The following TNC variants were observed in gnomAD, a reference collection of about 807,000 sequenced individuals.
The protein encoded by TNC is tenascin.
A neutral mutation model predicts 202.4 loss-of-function variants in TNC; 109 were observed. The ratio of observed to expected loss-of-function variants is 0.54; its 90% CI spans 0.46 to 0.63. The LOEUF (loss-of-function observed/expected upper bound fraction) is 0.63, where lower values mean the gene tolerates loss of function less well. TNC is among the 30% of genes least tolerant of loss of function. The pLI, the probability that TNC is intolerant of heterozygous loss-of-function variation, is 0.00. For synonymous variants in TNC, 1,007 were observed against 1,089.7 expected (o/e 0.92, Z 1.50); for missense variants, 2,756 against 2,833.3 (o/e 0.97, Z 0.62).
chr9:115,077,221 ATT>A (rs376411649), intron 7 of TNC, among the ~76,000 whole-genome samples: 68 of 151,466 alleles, frequency 4.5e-4, no homozygotes, highest in African/African-American at 1.5e-3. Flanking sequence ...CGCCTGGCTA[ATT>A]TTTTTTGTAT....
At chr9:115,105,531 T>C (rs1382641458) in intron 1 of TNC, among the ~76,000 whole-genome samples, 1 of 152,174 alleles carries the variant, frequency 6.6e-6, no homozygotes, top group Non-Finnish European at 1.5e-5. Context: ...GATTCACTTG[T>C]TTTAATTATG....
rs760299613 is a variant in TNC at position 115,090,722 on chromosome 9, G to A, written c.297C>T (p.Val99=). The A allele has an allele frequency of 1.1e-5, 18 of 1,614,114 alleles. No homozygotes were observed. The highest frequency in any genetic ancestry group is 1.5e-5 in the Non-Finnish European group (18 of 1,180,036). ...GGGGGATGTTGATGCGATGTGTGAA[G>A]ACAATCTGGTTTTCCCCATCCACTG... ...EHTVDGENQI[V]FTHRINIPRR... Residue 99 remains valine, a synonymous_variant, in exon 2 of 28, where the codon GTC becomes GTT. Coordinates refer to ENST00000350763, the MANE Select transcript of TNC (RefSeq NM_002160.4).
At position 115,084,491 on chromosome 9, in the gene TNC, G is replaced by A; in HGVS notation, c.1868-19C>T. The A allele has an allele frequency of 1.9e-6, 3 of 1,611,472 alleles. No homozygotes were observed. The highest frequency in any genetic ancestry group is 2.5e-6 in the Non-Finnish European group (3 of 1,178,474). On this transcript the variant is annotated intron_variant, in intron 3 of 27. Transcript: ENST00000350763. ...GGAGACACTGGCAGGAATAAGAAAGGACATCTGGTGTCAACAGTGTGTCCT... is the reference window on the plus strand; with the variant it reads ...GGAGACACTGGCAGGAATAAGAAAGAACATCTGGTGTCAACAGTGTGTCCT...
intron 10 of TNC, 51 bp from the exon 11 acceptor site, chr9:115,064,970 G>C (rs1193278549): frequency 1.3e-5 from 21 of 1,575,612 alleles, no homozygotes; most frequent in Non-Finnish European, 1.8e-5. Context: ...AGAAAGTTTT[G>C]CTTCTGAGAA....
intron 1 of TNC, among the ~76,000 whole-genome samples, chr9:115,117,357 A>G (rs1391698981): frequency 6.6e-6 from 1 of 152,002 alleles, no homozygotes; most frequent in African/African-American, 2.4e-5. Context: ...GGCTCTAGGC[A>G]CCCCAGTAAA....
chr9:115,025,068 C>T (rs566635507), intron 26 of TNC, among the ~76,000 whole-genome samples: 2 of 152,250 alleles, frequency 1.3e-5, no homozygotes, highest in Admixed American at 6.5e-5. Context: ...CTGGGTGCAG[C>T]CAAATCACAC....
chr9:115,054,749 C>T (rs1229540556), intron 15 of TNC, among the ~76,000 whole-genome samples: 1 of 152,190 alleles, frequency 6.6e-6, no homozygotes. Flanking sequence ...GACATGCTAG[C>T]TGCTTCCAGG....
At chr9:115,049,009 A>G (rs1831435949) in intron 15 of TNC, among the ~76,000 whole-genome samples, 1 of 151,818 alleles carries the variant, frequency 6.6e-6, no homozygotes, top group South Asian at 2.1e-4. Flanking sequence ...GCACAGTTTG[A>G]ATCAAATTAA....
rs1829503919 is a variant in TNC at position 115,026,639 on chromosome 9, G to C, written c.6226C>G (p.Leu2076Val). The C allele has an allele frequency of 3.7e-6, 6 of 1,613,836 alleles. No homozygotes were observed. The highest frequency in any genetic ancestry group is 5.1e-6 in the Non-Finnish European group (6 of 1,180,002). Residue 2076 changes from leucine (L) to valine (V), a missense_variant, in exon 26 of 28, where the codon CTG becomes GTG. Coordinates refer to ENST00000350763, the MANE Select transcript of TNC (RefSeq NM_002160.4). ...AQGQYELRVD[L>V]RDHGETAFAV... ...AAGGCTGTCTCCCCATGGTCCCGCA[G>C]GTCCACCCGGAGCTCGTACTGCCCC...
chr9:115,051,505 T>C (rs1380307581), intron 15 of TNC, among the ~76,000 whole-genome samples: 1 of 150,854 alleles, frequency 6.6e-6, no homozygotes, highest in Non-Finnish European at 1.5e-5. Context: ...CAGCGTCTCT[T>C]TTCTAGGTGA....
chr9:115,075,776 T>C (rs572933109), intron 9 of TNC, among the ~76,000 whole-genome samples: 1 of 152,218 alleles, frequency 6.6e-6, no homozygotes, highest in South Asian at 2.1e-4. Flanking sequence ...AGAGCGATAC[T>C]CCATCTCAAC....
chr9:115,081,144 C>T (rs1362871585), intron 6 of TNC, among the ~76,000 whole-genome samples: 1 of 152,128 alleles, frequency 6.6e-6, no homozygotes, highest in Non-Finnish European at 1.5e-5. Flanking sequence ...AGTTATGCCC[C>T]TGATGGTGTT....
chr9:115,046,718 G>A (rs777212109), intron 16 of TNC, 36 bp from the exon 17 acceptor site: 32 of 1,608,604 alleles, frequency 2.0e-5, no homozygotes, highest in Admixed American at 8.4e-5. Context: ...AAGGAGGAAA[G>A]ACAACATCAT....
chr9:115,031,137 C>T (rs1331829549), intron 23 of TNC, among the ~76,000 whole-genome samples: 3 of 152,214 alleles, frequency 2.0e-5, no homozygotes, highest in Non-Finnish European at 4.4e-5. Context: ...ACTTTCAGCT[C>T]ATGTTGAACT....
At chr9:115,115,569 C>A (rs903992594) in intron 1 of TNC, among the ~76,000 whole-genome samples, 1 of 152,174 alleles carries the variant, frequency 6.6e-6, no homozygotes, top group Admixed American at 6.5e-5. Flanking sequence ...TATATTTTGG[C>A]TATCATTGTC....
At chr9:115,059,062 G>C (rs534560544) in intron 14 of TNC, among the ~76,000 whole-genome samples, 6 of 152,304 alleles carry the variant, frequency 3.9e-5, no homozygotes, top group Admixed American at 1.3e-4. Context: ...GCTGCTGTGT[G>C]TACTTGTGCT....
rs556397738 is a variant in TNC at position 115,032,360 on chromosome 9, G to A, written c.5788-675C>T. On this transcript the variant is annotated intron_variant, in intron 22 of 27. Transcript: ENST00000350763. ...CTGTAAGGTATAAATGCTAAGCTTT[G>A]GAACTTGAAGTTTATCATCACAAGA... Among the ~76,000 whole-genome samples the A allele has an allele frequency of 7.2e-5, 11 of 152,254 alleles. 1 individual carries two copies. The South Asian group carries it at 2.3e-3, about 32-fold the overall frequency.
intron 4 of TNC, among the ~76,000 whole-genome samples, chr9:115,083,644 C>T (rs1335899804): frequency 1.4e-5 from 2 of 144,102 alleles, no homozygotes; most frequent in Non-Finnish European, 1.5e-5. Context: ...CTCAATCTGT[C>T]ACCCAGGCTG....
In TNC at chr9:115,041,022, G is replaced by T. The variant is rs754641464; in HGVS notation, c.5311C>A (p.Pro1771Thr). ...KTQTRLVKLIPGVEYLVSIIA... is the reference protein window; with the variant it reads ...KTQTRLVKLITGVEYLVSIIA... ...ATGCTGACAAGGTACTCCACGCCAG[G>T]TATGAGTTTCACCAGCCTGGTCTGA... Residue 1771 changes from proline (P) to threonine (T), a missense_variant, in exon 19 of 28, where the codon CCT (proline) becomes ACT (threonine). Physicochemically the swap from Pro to Thr is conservative, Grantham distance 38. Around this residue, in one of 2 missense-constraint regions of TNC, gnomAD observed 2,559 missense variants for 2,546.0 expected, o/e 1.01. Coordinates refer to ENST00000350763, the MANE Select transcript of TNC (RefSeq NM_002160.4). The T allele has an allele frequency of 1.2e-6, 2 of 1,614,076 alleles. No individual in the cohort carries two copies. The highest frequency in any genetic ancestry group is 1.7e-6 in the Non-Finnish European group (2 of 1,180,020).
Sources: gnomAD v4.1 joint callset for allele counts (sites outside exome capture counted in the v4.1 genomes callset) on GRCh38, gnomAD v4.1.1 for gene constraint, gnomAD v4.1.1 regional missense constraint, MANE v1.5 for transcripts, NCBI Gene and HGNC (gene_info 2026-07-23, HGNC 2026-07-21) for gene names.